The following RGS22 variants were observed in gnomAD, a reference collection of about 807,000 sequenced individuals.
RGS22 encodes regulator of G protein signaling 22, also known as regulator of G-protein signaling 22.
RGS22 carries 148 observed loss-of-function variants against 172.9 expected under a neutral mutation model. That is an observed-to-expected ratio of 0.86 (90% confidence interval 0.75 to 0.98). The LOEUF (loss-of-function observed/expected upper bound fraction) is 0.98, where lower values mean the gene tolerates loss of function less well. Among genes scored for constraint, RGS22 ranks in the 50% least tolerant of loss-of-function variants. The probability of loss-of-function intolerance (pLI) is 0.00; values close to 1 mark genes in which losing one functional copy is unlikely to be tolerated. For synonymous variants in RGS22, 458 were observed against 480.2 expected, an observed-to-expected ratio of 0.95 and a Z score of 0.60; for missense variants, 1,347 against 1,440.8, an observed-to-expected ratio of 0.93 and a Z score of 1.05.
In RGS22 at chr8:100,019,085, T is replaced by C. The variant is rs188195278; in HGVS notation, c.2167-10516A>G. Among the ~76,000 whole-genome samples the C allele has an allele frequency of 2.2e-4, 33 of 152,294 alleles. No individual in the cohort carries two copies. In the East Asian group the frequency reaches 5.2e-3, roughly 24 times the overall value. On this transcript the variant is annotated intron_variant, in intron 14 of 27. Transcript: ENST00000360863. ...AAATGATGACAGCTATGGGATTAGA[T>C]TCCAATTAGCATACTGTAGAAGCAC... is the stretch of plus-strand genomic sequence containing the variant.
intron 7 of RGS22, among the ~76,000 whole-genome samples, chr8:100,064,918 T>C (rs987809471): frequency 3.9e-5 from 6 of 152,202 alleles, no homozygotes; most frequent in African/African-American, 1.4e-4. Flanking sequence ...ACTTACAAAA[T>C]GGCACGAGAT....
intron 3 of RGS22, 83 bp from the exon 4 acceptor site, chr8:100,080,438 A>C (rs1811671262): frequency 4.5e-6 from 4 of 881,560 alleles, no homozygotes; most frequent in Non-Finnish European, 7.0e-6. Flanking sequence ...GTTTACATAC[A>C]TGCATGCATA....
At chr8:100,076,850 G>C (rs1811387225) in intron 4 of RGS22, among the ~76,000 whole-genome samples, 1 of 152,122 alleles carries the variant, frequency 6.6e-6, no homozygotes, top group Non-Finnish European at 1.5e-5. Flanking sequence ...AAAAGTATCT[G>C]TGCATGGTGG....
At chr8:100,048,490 C>T (rs1820959195) in intron 10 of RGS22, among the ~76,000 whole-genome samples, 1 of 152,000 alleles carries the variant, frequency 6.6e-6, no homozygotes, top group Admixed American at 6.6e-5. Flanking sequence ...CGTCAACTTC[C>T]ATTAGAATAC....
chr8:100,012,978 A>ATTTT (rs35339430), intron 14 of RGS22, among the ~76,000 whole-genome samples: 22 of 88,748 alleles, frequency 2.5e-4, no homozygotes, highest in East Asian at 3.4e-4. Flanking sequence ...AACGCCTTTG[A>ATTTT]TTTTTTTTTT....
At chr8:100,054,593 T>TA (rs1365986547) in intron 9 of RGS22, among the ~76,000 whole-genome samples, 1 of 152,132 alleles carries the variant, frequency 6.6e-6, no homozygotes, top group Admixed American at 6.6e-5. Context: ...AACCTGTCTC[T>TA]AAGAAAATTT....
chr8:100,077,011 A>AT (rs1314504518), intron 4 of RGS22, among the ~76,000 whole-genome samples: 1 of 152,150 alleles, frequency 6.6e-6, no homozygotes, highest in Non-Finnish European at 1.5e-5. Context: ...AGAAAAAAAA[A>AT]GTCTATTTCA....
intron 14 of RGS22, among the ~76,000 whole-genome samples, chr8:100,032,421 G>A (rs35386130): frequency 0.34 from 51,291 of 151,740 alleles, 9,962 homozygotes; most frequent in Admixed American, 0.45. Flanking sequence ...AGACAAAGAA[G>A]GCCATTACAT....
chr8:100,087,057 TA>T (rs34006124), intron 3 of RGS22, among the ~76,000 whole-genome samples: 1 of 152,170 alleles, frequency 6.6e-6, no homozygotes, highest in African/African-American at 2.4e-5. Flanking sequence ...GTTGTTTGCT[TA>T]AAAAGAAGCT....
intron 3 of RGS22, among the ~76,000 whole-genome samples, chr8:100,090,721 G>C (rs954159120): frequency 1.3e-5 from 2 of 152,112 alleles, no homozygotes; most frequent in African/African-American, 4.8e-5. Flanking sequence ...TCTCAGAGAA[G>C]AGCATGCCAG....
chr8:100,015,230 T>C (rs1214128246), intron 14 of RGS22, among the ~76,000 whole-genome samples: 1 of 152,168 alleles, frequency 6.6e-6, no homozygotes, highest in Non-Finnish European at 1.5e-5. Context: ...ATATAGCAAA[T>C]TATCCTTTCC....
At chr8:99,983,379 G>C (rs867324462) in intron 21 of RGS22, among the ~76,000 whole-genome samples, 5 of 152,168 alleles carry the variant, frequency 3.3e-5, no homozygotes, top group South Asian at 2.1e-4. Context: ...GAAATCTCCA[G>C]ACTGCTTTCC....
At chr8:100,052,754 A>T in intron 10 of RGS22, 48 bp downstream of exon 10, 1 of 1,527,842 alleles carries the variant, frequency 6.5e-7, no homozygotes, top group Non-Finnish European at 9.0e-7. Context: ...AAGCATACAT[A>T]TTTTACTACA....
intron 2 of RGS22, among the ~76,000 whole-genome samples, chr8:100,102,519 T>C (rs747839918): frequency 8.5e-5 from 13 of 152,212 alleles, no homozygotes; most frequent in Non-Finnish European, 1.5e-4. Flanking sequence ...ATTTAATCTA[T>C]AGACAATACT....
In RGS22 at chr8:100,007,911, T is replaced by A. The variant is rs1017935448; in HGVS notation, c.2361+464A>T. Among the ~76,000 whole-genome samples the A allele has an allele frequency of 1.3e-4, 20 of 152,002 alleles. No homozygotes were observed. In the East Asian group the frequency reaches 3.9e-3, roughly 29 times the overall value. On this transcript the variant is annotated intron_variant, in intron 15 of 27. Transcript: ENST00000360863. ...TGCCCAAATTTTGAGGCTACCCAAA[T>A]CTTAACTCTAAATCTTAGGGCCACG...
At chr8:100,062,054 A>C (rs1177799890) in intron 9 of RGS22, among the ~76,000 whole-genome samples, 1 of 152,210 alleles carries the variant, frequency 6.6e-6, no homozygotes, top group East Asian at 1.9e-4. Flanking sequence ...GGAACAGATA[A>C]CCAAATATAT....
Position 100,051,790 on chromosome 8 carries a change from A to AATGTTT in RGS22, c.1689+1011_1689+1012insAAACAT, listed in dbSNP as rs1554626334. Among the ~76,000 whole-genome samples, 96 of 55,212 alleles carry AATGTTT rather than the reference A, an allele frequency of 1.7e-3. 22 individuals are homozygous for AATGTTT. The East Asian group carries it at 0.045, about 26-fold the overall frequency. 36.2% of individuals were successfully genotyped at this position (55,212 alleles called of 152,430 possible). Reference sequence around the variant, plus strand: ...AAATGTTTATATATATTTATATATAAATATATATTTATATATAAATGTTTA... The same window carrying AATGTTT: ...AAATGTTTATATATATTTATATATAAATGTTTATATATATTTATATATAAATGTTTA... On this transcript the variant is annotated intron_variant, in intron 10 of 27. Coordinates refer to ENST00000360863, the MANE Select transcript of RGS22 (RefSeq NM_015668.5).
chr8:100,095,804 A>G, intron 2 of RGS22, among the ~76,000 whole-genome samples: 1 of 152,242 alleles, frequency 6.6e-6, no homozygotes, highest in South Asian at 2.1e-4. Context: ...TGAAAACCTC[A>G]GGTATTATCA....
chr8:100,010,350 G>T (rs556847151), intron 14 of RGS22, among the ~76,000 whole-genome samples: 2 of 152,242 alleles, frequency 1.3e-5, no homozygotes, highest in South Asian at 4.1e-4. Context: ...GCTGGGCACG[G>T]TGGTGGGCGC....
Sources: allele counts gnomAD v4.1 joint callset (sites outside exome capture counted in the v4.1 genomes callset), GRCh38; gene constraint gnomAD v4.1.1; transcripts MANE v1.5; gene names NCBI Gene and HGNC (gene_info 2026-07-23, HGNC 2026-07-21).